Variants in TBC1D22A observed in about 807,000 individuals in gnomAD.
TBC1D22A encodes the protein TBC1 domain family member 22A, also known as putative GTPase activator.
TBC1D22A carries 38 observed loss-of-function variants against 60.2 expected under a neutral mutation model. The observed-to-expected ratio is 0.63, with a 90% CI of 0.49 to 0.83. The LOEUF (loss-of-function observed/expected upper bound fraction) is 0.83, where lower values mean the gene tolerates loss of function less well. Ranked by LOEUF, TBC1D22A falls within the 40% of genes least tolerant of loss-of-function variation. TBC1D22A has a pLI of 0.00. For missense variants in TBC1D22A, 628 were observed against 701.0 expected (o/e 0.90, Z 1.18); for synonymous variants, 302 against 281.7 (o/e 1.07, Z -0.72).
intron 12 of TBC1D22A, among the ~76,000 whole-genome samples, chr22:47,172,279 C>T (rs2147240741): frequency 6.6e-6 from 1 of 152,364 alleles, no homozygotes; most frequent in East Asian, 1.9e-4. Flanking sequence ...GCTGGCTGTA[C>T]TGCTGGCCGT....
rs1186312989 is a variant in TBC1D22A at position 46,859,029 on chromosome 22, C to T, written c.638-19624C>T. Among the ~76,000 whole-genome samples, 947 of 123,518 alleles carry T rather than the reference C, an allele frequency of 7.7e-3. 11 individuals are homozygous for T. Among genetic ancestry groups the T allele is most frequent in the African/African-American group, 0.028 (882 of 31,670 alleles). 81.0% of individuals were successfully genotyped at this position (123,518 alleles called of 152,430 possible). A position where few individuals can be genotyped will look rare whatever the true frequency, so the allele number is the denominator to read the frequency against. On this transcript the variant is annotated intron_variant, in intron 4 of 12. Transcript: ENST00000337137. ...ACCAGAATCCTTTTCGATAGAGGTC[C>T]GCGCAGTGCTGTGCCCCTTCCCGGG...
intron 9 of TBC1D22A, among the ~76,000 whole-genome samples, chr22:46,980,577 G>C (rs1256857536): frequency 1.3e-5 from 2 of 152,244 alleles, no homozygotes; most frequent in Admixed American, 6.5e-5. Flanking sequence ...AGAGAAGAGA[G>C]AGTTAGTTAG....
chr22:47,150,209 G>A (rs567147077), intron 12 of TBC1D22A, among the ~76,000 whole-genome samples: 3 of 152,278 alleles, frequency 2.0e-5, no homozygotes, highest in African/African-American at 7.2e-5. Context: ...GGCAGCCACA[G>A]TCCGGAGCAC....
chr22:46,830,984 C>T (rs556553753), intron 4 of TBC1D22A, among the ~76,000 whole-genome samples: 1 of 152,084 alleles, frequency 6.6e-6, no homozygotes, highest in Non-Finnish European at 1.5e-5. Flanking sequence ...GAGGGAGCCT[C>T]AGGGTCCCAG....
intron 7 of TBC1D22A, among the ~76,000 whole-genome samples, chr22:46,905,133 C>A (rs1225266376): frequency 5.3e-5 from 8 of 152,168 alleles, no homozygotes; most frequent in African/African-American, 1.9e-4. Context: ...CTCTTAGGCA[C>A]CACAGTACAA....
intron 12 of TBC1D22A, among the ~76,000 whole-genome samples, chr22:47,133,478 T>TG (rs1349931363): frequency 6.6e-6 from 1 of 152,082 alleles, no homozygotes; most frequent in Non-Finnish European, 1.5e-5. Flanking sequence ...GGGCCGCCTG[T>TG]GGGGGGTGCT....
At chr22:47,054,471 G>A (rs1304391417) in intron 11 of TBC1D22A, among the ~76,000 whole-genome samples, 3 of 152,168 alleles carry the variant, frequency 2.0e-5, no homozygotes, top group Non-Finnish European at 2.9e-5. Context: ...CTTCCTGCCT[G>A]CATGACTTAC....
At chr22:46,901,605 T>C (rs1476720196) in intron 7 of TBC1D22A, among the ~76,000 whole-genome samples, 1 of 152,216 alleles carries the variant, frequency 6.6e-6, no homozygotes, top group Non-Finnish European at 1.5e-5. Context: ...GTAGTTTTGG[T>C]ATACTCAGTG....
chr22:46,846,541 A>G (rs1469876126), intron 4 of TBC1D22A, among the ~76,000 whole-genome samples: 1 of 152,238 alleles, frequency 6.6e-6, no homozygotes, highest in Non-Finnish European at 1.5e-5. Flanking sequence ...AATCATTGTC[A>G]TCAGGCCTGG....
intron 10 of TBC1D22A, among the ~76,000 whole-genome samples, chr22:46,999,702 T>C (rs1298812954): frequency 6.6e-6 from 1 of 152,092 alleles, no homozygotes; most frequent in African/African-American, 2.4e-5. Flanking sequence ...CAGAGGATAT[T>C]CTAGGAAGAA....
rs377482523 is a variant in TBC1D22A, at chr22:47,174,473, C to T, written c.*847C>T. The T allele has an allele frequency of 2.0e-5, 3 of 152,280 alleles. No homozygotes were observed. The highest frequency in any genetic ancestry group is 4.4e-5 in the Non-Finnish European group (3 of 68,072). The allele number at this position is 152,280 out of a possible 1,614,324, so 9.4% of individuals were successfully genotyped here. A position where few individuals can be genotyped will look rare whatever the true frequency, so the allele number is the denominator to read the frequency against. On this transcript the variant is annotated 3_prime_UTR_variant, in exon 13 of 13. Coordinates refer to ENST00000337137, the MANE Select transcript of TBC1D22A (RefSeq NM_014346.5). ...CTGGCAGACGGGCAGGGGGTCGCGT[C>T]CCTGTCATCAAAGCCCTGAACCACA...
chr22:46,939,976 A>G (rs552197474), intron 8 of TBC1D22A, among the ~76,000 whole-genome samples: 10 of 152,382 alleles, frequency 6.6e-5, no homozygotes, highest in African/African-American at 2.4e-4. Context: ...TTTTAGATCC[A>G]CTATACAGGC....
chr22:46,772,641 G>A lies in TBC1D22A; in HGVS notation c.62+9793G>A, dbSNP rs565445038. ...ATATATACACAAACACACATGCACC[G>A]CACTTTTTTTTTTTTTTTTTTTTGA... On this transcript the variant is annotated intron_variant, in intron 1 of 12. Transcript: ENST00000337137. Among the ~76,000 whole-genome samples the A allele has an allele frequency of 2.2e-3, 294 of 135,626 alleles. 3 individuals carry two copies. The highest frequency in any genetic ancestry group is 6.5e-3 in the African/African-American group (227 of 34,864). The allele number at this position is 135,626 out of a possible 152,430, so 89.0% of individuals were successfully genotyped here.
At chr22:47,051,497 G>A (rs1187094727) in intron 11 of TBC1D22A, among the ~76,000 whole-genome samples, 1 of 152,196 alleles carries the variant, frequency 6.6e-6, no homozygotes, top group Non-Finnish European at 1.5e-5. Context: ...TGCGGCAGGG[G>A]TGGCTTCGGG....
intron 9 of TBC1D22A, among the ~76,000 whole-genome samples, chr22:46,978,465 A>G (rs117116988): frequency 0.012 from 1,888 of 152,354 alleles, 17 homozygotes; most frequent in Middle Eastern, 0.024. Flanking sequence ...ACATTTTTGT[A>G]AATCTCCTTA....
Position 46,932,720 on chromosome 22 carries a change from C to CTTT in TBC1D22A, c.1015+20552_1015+20554dup, listed in dbSNP as rs67463903. ...AGTGCAGTGTGCGTTGTCCTTCTTG[C>CTTT]TTTTTTTTTTTTTTTTTTTTTTGAG... On this transcript the variant is annotated intron_variant, in intron 8 of 12. Coordinates refer to ENST00000337137, the MANE Select transcript of TBC1D22A (RefSeq NM_014346.5). Among the ~76,000 whole-genome samples, 214 of 66,312 alleles carry CTTT rather than the reference C, an allele frequency of 3.2e-3. 11 individuals are homozygous for CTTT. Among genetic ancestry groups the CTTT allele is most frequent in the African/African-American group, 0.012 (179 of 14,750 alleles). The allele number at this position is 66,312 out of a possible 152,430, so 43.5% of individuals were successfully genotyped here. A position where few individuals can be genotyped will look rare whatever the true frequency, so the allele number is the denominator to read the frequency against.
intron 12 of TBC1D22A, among the ~76,000 whole-genome samples, chr22:47,115,197 TTG>T (rs2065992859): frequency 9.1e-5 from 1 of 10,958 alleles, no homozygotes; most frequent in Admixed American, 9.6e-4. Flanking sequence ...CTCTGGAGGA[TTG>T]CCACTTTGCC....
chr22:46,941,818 A>G (rs1190246591), intron 8 of TBC1D22A, among the ~76,000 whole-genome samples: 2 of 116,268 alleles, frequency 1.7e-5, no homozygotes, highest in Non-Finnish European at 3.5e-5. Flanking sequence ...TAGAATATAT[A>G]TAGAATATAT....
chr22:47,171,218 A>G (rs1056696077), intron 12 of TBC1D22A, among the ~76,000 whole-genome samples: 4 of 152,072 alleles, frequency 2.6e-5, no homozygotes, highest in Non-Finnish European at 5.9e-5. Flanking sequence ...GCTACCCCCC[A>G]TTCCCCTCCA....
Sources: allele counts gnomAD v4.1 joint callset (sites outside exome capture counted in the v4.1 genomes callset), GRCh38; gene constraint gnomAD v4.1.1; transcripts MANE v1.5; gene names NCBI Gene and HGNC (gene_info 2026-07-23, HGNC 2026-07-21).